SPMIP2: variants seen among roughly 807,000 people sequenced by gnomAD.
SPMIP2 encodes protein SPMIP2.
At chr4:159,031,436 A>C in the SPMIP2 span, among the ~76,000 whole-genome samples, 3 of 152,260 alleles carry the variant, frequency 2.0e-5, no homozygotes, top group Non-Finnish European at 4.4e-5. Flanking sequence ...AGTTTCTGCA[A>C]CAAGTAAATG....
chr4:158,900,426 G>C, the SPMIP2 span, among the ~76,000 whole-genome samples: 1 of 152,072 alleles, frequency 6.6e-6, no homozygotes, highest in Non-Finnish European at 1.5e-5. Flanking sequence ...ATCTAATATT[G>C]ACAGTGGGGT....
chr4:158,919,073 A>G, the SPMIP2 span, among the ~76,000 whole-genome samples: 10 of 152,218 alleles, frequency 6.6e-5, no homozygotes, highest in African/African-American at 2.4e-4. Context: ...GAACCAGTTA[A>G]AAGTACTGGT....
At chr4:159,050,084 T>A in the SPMIP2 span, among the ~76,000 whole-genome samples, 2 of 152,248 alleles carry the variant, frequency 1.3e-5, no homozygotes, top group African/African-American at 4.8e-5. Flanking sequence ...TGGGCTGCTC[T>A]TTTTGACCCT....
At chr4:158,909,395 T>C in the SPMIP2 span, 9 of 151,952 alleles carry the variant, frequency 5.9e-5, no homozygotes, top group Non-Finnish European at 2.9e-5. Context: ...TCTCCAAGGA[T>C]GGCTTCCCTG....
the SPMIP2 span, among the ~76,000 whole-genome samples, chr4:158,943,756 C>G: frequency 1.3e-5 from 2 of 151,794 alleles, no homozygotes; most frequent in Admixed American, 1.3e-4. Context: ...GACCCCAGAA[C>G]AGTGCTCCAC....
the SPMIP2 span, chr4:158,895,999 T>C: frequency 1.6e-6 from 1 of 634,826 alleles, no homozygotes; most frequent in Middle Eastern, 4.0e-4. Flanking sequence ...GTCCATCAGA[T>C]ACGTGCCTCT....
At chr4:159,053,720 C>T in the SPMIP2 span, among the ~76,000 whole-genome samples, 1 of 152,106 alleles carries the variant, frequency 6.6e-6, no homozygotes, top group South Asian at 2.1e-4. Flanking sequence ...ATTTCCCTTC[C>T]TTCTTTTCTT....
At chr4:159,016,568 C>T in the SPMIP2 span, among the ~76,000 whole-genome samples, 2 of 152,150 alleles carry the variant, frequency 1.3e-5, no homozygotes, top group South Asian at 4.1e-4. Context: ...TTTATTTTTC[C>T]TTCTCTCTTA....
chr4:158,935,931 T>C, the SPMIP2 span, among the ~76,000 whole-genome samples: 2 of 152,242 alleles, frequency 1.3e-5, no homozygotes, highest in African/African-American at 2.4e-5. Flanking sequence ...TTCCACCTTT[T>C]TGTGACTTGA....
the SPMIP2 span, among the ~76,000 whole-genome samples, chr4:159,001,028 G>C: frequency 3.3e-5 from 5 of 152,256 alleles, no homozygotes; most frequent in Middle Eastern, 6.8e-3. Flanking sequence ...ACTAGAAGTG[G>C]AATGGCTGGA....
chr4:158,960,247 A>G, the SPMIP2 span: 1 of 1,206,398 alleles, frequency 8.3e-7, no homozygotes, highest in Non-Finnish European at 1.2e-6. Context: ...TTAGGAAAGA[A>G]ACACAGTAAT....
chr4:158,959,743 T>G, the SPMIP2 span, among the ~76,000 whole-genome samples: 1 of 152,172 alleles, frequency 6.6e-6, no homozygotes, highest in Admixed American at 6.5e-5. Flanking sequence ...AGATGACAAG[T>G]CAGCTTTTGC....
At chr4:159,013,807 A>AATGAAGCTTGAGGACATAATACT in the SPMIP2 span, among the ~76,000 whole-genome samples, 149,895 of 151,052 alleles carry the variant, frequency 0.99, 74,379 homozygotes, top group East Asian at 1. Context: ...CTGTGATATA[A>AATGAAGCTTGAGGACATAATACT]ATGAAGCTTG....
the SPMIP2 span, among the ~76,000 whole-genome samples, chr4:158,978,388 T>TC: frequency 6.6e-6 from 1 of 152,234 alleles, no homozygotes; most frequent in Admixed American, 6.5e-5. Context: ...GAATGTACAT[T>TC]CTATTAATTT....
At chr4:158,898,174 T>A in the SPMIP2 span, among the ~76,000 whole-genome samples, 1 of 152,168 alleles carries the variant, frequency 6.6e-6, no homozygotes, top group African/African-American at 2.4e-5. Context: ...TTCTGAGGCC[T>A]CAGTTCTGTT....
chr4:159,043,052 C>T, the SPMIP2 span, among the ~76,000 whole-genome samples: 1 of 152,182 alleles, frequency 6.6e-6, no homozygotes, highest in Non-Finnish European at 1.5e-5. Flanking sequence ...TTCTTTGCTC[C>T]TCGTGAATTC....
chr4:158,901,946 CAG>C, the SPMIP2 span, among the ~76,000 whole-genome samples: 4 of 151,938 alleles, frequency 2.6e-5, no homozygotes, highest in African/African-American at 4.8e-5. Flanking sequence ...TTCTTTAGCT[CAG>C]AGGAGTTTGT....
At chr4:158,936,803 T>C in the SPMIP2 span, among the ~76,000 whole-genome samples, 2 of 152,220 alleles carry the variant, frequency 1.3e-5, no homozygotes, top group East Asian at 1.9e-4. Flanking sequence ...CCTCGCTACA[T>C]TGGCTTTCCA....
the SPMIP2 span, among the ~76,000 whole-genome samples, chr4:158,955,048 G>A: frequency 3.3e-5 from 5 of 152,000 alleles, no homozygotes; most frequent in Non-Finnish European, 7.4e-5. Flanking sequence ...AAATCATCAG[G>A]TCACATATCT....
Sources: allele counts gnomAD v4.1 joint callset (sites outside exome capture counted in the v4.1 genomes callset), GRCh38; gene constraint gnomAD v4.1.1; transcripts MANE v1.5; gene names NCBI Gene and HGNC (gene_info 2026-07-23, HGNC 2026-07-21).